Variants in RHOBTB1 observed in about 807,000 individuals in gnomAD.
RHOBTB1 encodes Rho related BTB domain containing 1.
A neutral mutation model predicts 71.6 loss-of-function variants in RHOBTB1; 40 were observed. The ratio of observed to expected loss-of-function variants is 0.56; its 90% confidence interval spans 0.43 to 0.73. The LOEUF is 0.73. Ranked by LOEUF, RHOBTB1 falls within the 30% of genes least tolerant of loss-of-function variation. The pLI is 0.00. For synonymous variants in RHOBTB1, 319 were observed against 334.9 expected (o/e 0.95, Z 0.52); for missense variants, 797 against 894.0 (o/e 0.89, Z 1.38).
chr10:60,945,016 C>T (rs191073230), upstream of RHOBTB1, among the ~76,000 whole-genome samples: 90 of 152,250 alleles, frequency 5.9e-4, no homozygotes, highest in African/African-American at 2.0e-3. Flanking sequence ...ACTTCTCTCT[C>T]TTCCAGGCTG....
chr10:60,899,708 C>T (rs554905745), intron 4 of RHOBTB1, among the ~76,000 whole-genome samples: 1 of 152,324 alleles, frequency 6.6e-6, no homozygotes, highest in African/African-American at 2.4e-5. Flanking sequence ...TTCTTCTAGA[C>T]ATTGGGGATA....
chr10:60,864,769 T>C (rs1323322767), downstream of RHOBTB1, among the ~76,000 whole-genome samples: 3 of 151,836 alleles, frequency 2.0e-5, no homozygotes, highest in Non-Finnish European at 2.9e-5. Flanking sequence ...CTCGGCTCAC[T>C]GCAACCTCCG....
chr10:60,885,596 G>A (rs1203263582), intron 7 of RHOBTB1, among the ~76,000 whole-genome samples: 3 of 152,196 alleles, frequency 2.0e-5, no homozygotes, highest in East Asian at 3.8e-4. Flanking sequence ...GGACAATCTA[G>A]TGCATCCCTC....
intron 6 of RHOBTB1, among the ~76,000 whole-genome samples, chr10:60,887,591 G>A (rs1171875852): frequency 1.3e-5 from 2 of 152,344 alleles, no homozygotes; most frequent in East Asian, 3.9e-4. Flanking sequence ...AGGCAAAGGA[G>A]GTGCAGGAAA....
At chr10:60,959,699 C>T (rs753307317) in intron 2 of RHOBTB1, among the ~76,000 whole-genome samples, 2 of 152,118 alleles carry the variant, frequency 1.3e-5, no homozygotes, top group Non-Finnish European at 2.9e-5. Flanking sequence ...GTTATGTGTA[C>T]TTTGGAAAGA....
intron 2 of RHOBTB1, among the ~76,000 whole-genome samples, chr10:60,925,490 T>C (rs189595733): frequency 4.0e-5 from 6 of 151,808 alleles, no homozygotes; most frequent in Admixed American, 3.3e-4. Context: ...TAGAAAAACC[T>C]CAAATAAACA....
At chr10:60,985,543 A>G (rs1190679459) in intron 2 of RHOBTB1, among the ~76,000 whole-genome samples, 1 of 152,228 alleles carries the variant, frequency 6.6e-6, no homozygotes, top group Non-Finnish European at 1.5e-5. Context: ...GCTACGCACT[A>G]AAGAATTTTA....
chr10:60,953,782 A>T (rs2085492457), intron 2 of RHOBTB1, among the ~76,000 whole-genome samples: 1 of 152,172 alleles, frequency 6.6e-6, no homozygotes, highest in Non-Finnish European at 1.5e-5. Flanking sequence ...TGAAAAAAAA[A>T]GCATATATAT....
chr10:60,951,657 A>G (rs747239370), intron 2 of RHOBTB1, among the ~76,000 whole-genome samples: 1 of 152,194 alleles, frequency 6.6e-6, no homozygotes, highest in Non-Finnish European at 1.5e-5. Flanking sequence ...CCATCTTAGA[A>G]GAGCTTGAAG....
chr10:60,964,322 T>C (rs1421988954), intron 2 of RHOBTB1, among the ~76,000 whole-genome samples: 1 of 152,048 alleles, frequency 6.6e-6, no homozygotes, highest in African/African-American at 2.4e-5. Flanking sequence ...ATAAACGCTC[T>C]CCTGGGTTTT....
the RHOBTB1 span, among the ~76,000 whole-genome samples, chr10:60,862,121 T>C: frequency 6.7e-6 from 1 of 150,316 alleles, no homozygotes; most frequent in East Asian, 2.0e-4. Flanking sequence ...CCTCTCTTTC[T>C]TCTCTCTCTC....
At chr10:60,866,692 A>G (rs2080636545), downstream of RHOBTB1, among the ~76,000 whole-genome samples, 1 of 152,100 alleles carries the variant, frequency 6.6e-6, no homozygotes, top group Admixed American at 6.5e-5. Context: ...TTAATAGAAA[A>G]CATGGAGGCC....
rs1053338663 is a variant in RHOBTB1, at chr10:60,905,070, G to A, written c.296+5817C>T. ...AAGTCTGCCATTAGGGCCAGTACTT[G>A]AGTGAAGAAAATGAAGCACTTCTTC... On this transcript the variant is annotated intron_variant, in intron 4 of 10. Coordinates refer to ENST00000337910, the MANE Select transcript of RHOBTB1 (RefSeq NM_014836.5). Among the ~76,000 whole-genome samples, 3 of 151,934 alleles carry A rather than the reference G, an allele frequency of 2.0e-5. No homozygotes were observed. The East Asian group carries it at 5.8e-4, about 29-fold the overall frequency.
At chr10:60,930,058 G>C (rs2084145275) in intron 2 of RHOBTB1, among the ~76,000 whole-genome samples, 1 of 151,742 alleles carries the variant, frequency 6.6e-6, no homozygotes, top group Non-Finnish European at 1.5e-5. Context: ...TCTATAATAT[G>C]AACAAAAAAA....
At chr10:60,898,564 T>C (rs1373111430) in intron 4 of RHOBTB1, among the ~76,000 whole-genome samples, 1 of 152,040 alleles carries the variant, frequency 6.6e-6, no homozygotes, top group Non-Finnish European at 1.5e-5. Context: ...CTCATACTCA[T>C]GGAGGATGGA....
At chr10:60,909,569 C>T (rs2082861862) in intron 4 of RHOBTB1, among the ~76,000 whole-genome samples, 1 of 152,138 alleles carries the variant, frequency 6.6e-6, no homozygotes, top group Non-Finnish European at 1.5e-5. Flanking sequence ...ATAGGTGTTA[C>T]AAACCTGACT....
chr10:60,953,364 G>A (rs532002955), intron 2 of RHOBTB1, among the ~76,000 whole-genome samples: 4 of 152,080 alleles, frequency 2.6e-5, no homozygotes, highest in Admixed American at 1.3e-4. Context: ...CTTGCTGAAG[G>A]CCCGGCTTCT....
intron 2 of RHOBTB1, among the ~76,000 whole-genome samples, chr10:60,920,917 A>G (rs1284477690): frequency 6.6e-6 from 1 of 151,184 alleles, no homozygotes; most frequent in Middle Eastern, 3.2e-3. Context: ...TTGGCCTCCC[A>G]AAATGCTGGG....
At chr10:60,928,618 G>A (rs1255516804) in intron 2 of RHOBTB1, among the ~76,000 whole-genome samples, 4 of 152,098 alleles carry the variant, frequency 2.6e-5, no homozygotes, top group African/African-American at 9.7e-5. Context: ...GGTTAGCAGA[G>A]GCTGGAAAGG....
Sources: gnomAD v4.1 joint callset for allele counts (sites outside exome capture counted in the v4.1 genomes callset) on GRCh38, gnomAD v4.1.1 for gene constraint, MANE v1.5 for transcripts, NCBI Gene and HGNC (gene_info 2026-07-23, HGNC 2026-07-21) for gene names.